PCDHA11: variants seen among roughly 807,000 people sequenced by gnomAD.
The protein encoded by PCDHA11 is protocadherin alpha 11, also known as protocadherin alpha-11.
Under a neutral mutation model 70.3 loss-of-function variants are expected in PCDHA11, and 61 were observed. That is an observed-to-expected ratio of 0.87 (90% CI 0.71 to 1.07). PCDHA11 has a LOEUF of 1.07. Ranked by LOEUF, PCDHA11 falls within the 50% of genes least tolerant of loss-of-function variation. PCDHA11 has a pLI of 0.00. For missense variants in PCDHA11, 1,324 were observed against 1,237.5 expected, an observed-to-expected ratio of 1.07 and a Z score of -1.05; for synonymous variants, 633 against 555.1, an observed-to-expected ratio of 1.14 and a Z score of -1.97.
chr5:140,965,316 T>C (rs1411473254), intron 1 of PCDHA11, among the ~76,000 whole-genome samples: 2 of 152,200 alleles, frequency 1.3e-5, no homozygotes, highest in Admixed American at 6.5e-5. Context: ...CCTTCTCTTT[T>C]ACTGAAGTGA....
At chr5:141,009,262 C>T (rs2098403740) in intron 3 of PCDHA11, among the ~76,000 whole-genome samples, 2 of 152,112 alleles carry the variant, frequency 1.3e-5, no homozygotes, top group Non-Finnish European at 2.9e-5. Flanking sequence ...TGAGACCAGC[C>T]TGGGCAACAT....
intron 1 of PCDHA11, chr5:140,928,178 G>A: frequency 6.2e-7 from 1 of 1,614,192 alleles, no homozygotes. Context: ...AGCACCCGAA[G>A]GACAATCACT....
At chr5:141,003,988 C>T (rs1554259401) in intron 3 of PCDHA11, among the ~76,000 whole-genome samples, 1 of 152,120 alleles carries the variant, frequency 6.6e-6, no homozygotes, top group African/African-American at 2.4e-5. Context: ...TGCCGGAGAT[C>T]CTAGAAGGGA....
chr5:140,894,778 T>C (rs1477645245), intron 1 of PCDHA11, among the ~76,000 whole-genome samples: 1 of 152,140 alleles, frequency 6.6e-6, no homozygotes, highest in Non-Finnish European at 1.5e-5. Flanking sequence ...TTTAGTGTAA[T>C]TATTTGTCCT....
intron 1 of PCDHA11, among the ~76,000 whole-genome samples, chr5:140,886,270 T>A (rs957205805): frequency 2.0e-5 from 3 of 151,996 alleles, no homozygotes; most frequent in Admixed American, 6.5e-5. Flanking sequence ...ATAGATAAAA[T>A]TTTTTAAAAT....
chr5:140,883,679 G>T (rs781987468), intron 1 of PCDHA11: 1 of 1,613,678 alleles, frequency 6.2e-7, no homozygotes, highest in Non-Finnish European at 8.5e-7. Flanking sequence ...CAATCCGCCG[G>T]GCTGCCACAT....
At chr5:140,935,291 C>T (rs1221872941) in intron 1 of PCDHA11, among the ~76,000 whole-genome samples, 4 of 152,100 alleles carry the variant, frequency 2.6e-5, no homozygotes, top group East Asian at 1.9e-4. Context: ...TTCAGCACTC[C>T]GAGGTTTTTA....
chr5:140,968,670 T>C lies in PCDHA11; in HGVS notation c.2392-10279T>C, dbSNP rs782754896. 23 of 1,614,180 alleles carry C rather than the reference T, an allele frequency of 1.4e-5. No homozygotes were observed. Among genetic ancestry groups the C allele is most frequent in the Non-Finnish European group, 1.8e-5 (21 of 1,180,034 alleles). On this transcript the variant is annotated intron_variant, in intron 1 of 3. Coordinates refer to ENST00000398640, the MANE Select transcript of PCDHA11 (RefSeq NM_018902.5). ...ACTTCTGACCTGGACCTCTTTAAGG[T>C]AGAGCTGCACACAGGAGAAATTAGG...
At chr5:140,981,338 G>A (rs1563488090) in intron 2 of PCDHA11, among the ~76,000 whole-genome samples, 1 of 152,100 alleles carries the variant, frequency 6.6e-6, no homozygotes, top group Non-Finnish European at 1.5e-5. Context: ...CTTTGGGAGG[G>A]TGAGGCAGGT....
At chr5:140,880,281 C>T (rs2058294062) in intron 1 of PCDHA11, among the ~76,000 whole-genome samples, 2 of 152,074 alleles carry the variant, frequency 1.3e-5, no homozygotes. Flanking sequence ...AGAAGTTTGA[C>T]TATCTTCATA....
At chr5:140,956,038 A>T in intron 1 of PCDHA11, among the ~76,000 whole-genome samples, 1 of 152,182 alleles carries the variant, frequency 6.6e-6, no homozygotes, top group South Asian at 2.1e-4. Flanking sequence ...CAGCTTAAGA[A>T]GCTTTTGGGC....
intron 3 of PCDHA11, among the ~76,000 whole-genome samples, chr5:140,986,342 C>G (rs1390823261): frequency 4.6e-5 from 7 of 152,184 alleles, no homozygotes; most frequent in African/African-American, 1.7e-4. Flanking sequence ...ACAGTTGCAG[C>G]CTCTTCTTCA....
chr5:140,924,901 A>AAT (rs145282866), intron 1 of PCDHA11, among the ~76,000 whole-genome samples: 9,116 of 79,802 alleles, frequency 0.11, 381 homozygotes, highest in Middle Eastern at 0.21. Context: ...TCTCAAAAAA[A>AAT]AAAATAAAAT....
chr5:140,953,410 G>A (rs1328809858), intron 1 of PCDHA11, among the ~76,000 whole-genome samples: 5 of 152,042 alleles, frequency 3.3e-5, no homozygotes, highest in Non-Finnish European at 5.9e-5. Flanking sequence ...GTTGCTCCTG[G>A]CTCCTCCCCT....
intron 1 of PCDHA11, chr5:140,969,475 C>A: frequency 1.4e-6 from 2 of 1,476,386 alleles, no homozygotes; most frequent in South Asian, 1.4e-5. Context: ...ACAATTTGAT[C>A]ATAATCTGCT....
chr5:140,946,561 T>C (rs1193170794), intron 1 of PCDHA11, among the ~76,000 whole-genome samples: 1 of 148,756 alleles, frequency 6.7e-6, no homozygotes, highest in Non-Finnish European at 1.5e-5. Context: ...AGTTCAGATA[T>C]AGAATCAACT....
Position 141,010,554 on chromosome 5 carries a change from C to G in PCDHA11, c.*617C>G. On this transcript the variant is annotated 3_prime_UTR_variant, in exon 4 of 4. Transcript: ENST00000398640. ...CACCCTCTAGGAGACAAAACTACCC[C>G]CACTGACAAGGCTTTAGGAGACCCT... The G allele has an allele frequency of 3.1e-6, 1 of 322,198 alleles. No individual in the cohort carries two copies. The highest frequency in any genetic ancestry group is 9.3e-4 in the Middle Eastern group (1 of 1,074). 20.0% of individuals were successfully genotyped at this position (322,198 alleles called of 1,614,324 possible).
intron 1 of PCDHA11, among the ~76,000 whole-genome samples, chr5:140,977,055 A>T (rs1220462981): frequency 1.3e-5 from 2 of 152,234 alleles, no homozygotes; most frequent in African/African-American, 4.8e-5. Flanking sequence ...CTGATGGACT[A>T]GTATAGAAAA....
At chr5:141,000,419 ATATTTTTT>A (rs1194100555) in intron 3 of PCDHA11, among the ~76,000 whole-genome samples, 4 of 60,996 alleles carry the variant, frequency 6.6e-5, no homozygotes, top group African/African-American at 2.3e-4. Flanking sequence ...ATATATATAT[ATATTTTTT>A]TTTTTTTTTT....
Sources: allele counts gnomAD v4.1 joint callset (sites outside exome capture counted in the v4.1 genomes callset), GRCh38; gene constraint gnomAD v4.1.1; transcripts MANE v1.5; gene names NCBI Gene and HGNC (gene_info 2026-07-23, HGNC 2026-07-21).